LGR6: variants seen among roughly 807,000 people sequenced by gnomAD.
LGR6 encodes the protein leucine-rich repeat-containing G protein-coupled receptor 6.
A neutral mutation model predicts 69.4 loss-of-function variants in LGR6; 45 were observed. That is an observed-to-expected ratio of 0.65 (90% confidence interval 0.51 to 0.83). The LOEUF (loss-of-function observed/expected upper bound fraction) is 0.83. Ranked by LOEUF, LGR6 falls within the 40% of genes least tolerant of loss-of-function variation. LGR6 has a pLI of 0.00. For missense variants in LGR6, 1,108 were observed against 1,246.7 expected (o/e 0.89, Z 1.68); for synonymous variants, 538 against 555.0 (o/e 0.97, Z 0.43).
chr1:202,293,923 G>A (rs866489508), intron 6 of LGR6, among the ~76,000 whole-genome samples: 1 of 152,144 alleles, frequency 6.6e-6, no homozygotes, highest in Non-Finnish European at 1.5e-5. Context: ...GCCAAGGAGG[G>A]CTGGAACTAC....
In LGR6 at chr1:202,318,334, T is replaced by C; in HGVS notation, c.2031T>C (p.Tyr677=). 6.3e-7 allele frequency: 1 copy of C among 1,596,514 alleles called. No homozygotes were observed. The change falls in exon 18 of 18, where the codon TAT becomes TAC. Residue 677 remains tyrosine, a synonymous_variant. Coordinates refer to ENST00000367278, the MANE Select transcript of LGR6 (RefSeq NM_001017403.2). The part of the protein sequence containing the change: ...CSVSVSCVRA[Y]GKSPSLGSVR... ...TCTCCGTCTCCTGTGTCCGGGCCTA[T>C]GGGAAGTCCCCCTCCCTGGGCAGCG...
chr1:202,319,534 A>C lies in LGR6; in HGVS notation c.*327A>C. The C allele has an allele frequency of 3.6e-6, 1 of 277,384 alleles. No homozygotes were observed. Among genetic ancestry groups the C allele is most frequent in the Non-Finnish European group, 6.8e-6 (1 of 147,846 alleles). 17.2% of individuals were successfully genotyped at this position (277,384 alleles called of 1,614,324 possible). A position where few individuals can be genotyped will look rare whatever the true frequency, so the allele number is the denominator to read the frequency against. On this transcript the variant is annotated 3_prime_UTR_variant, in exon 18 of 18. Coordinates refer to ENST00000367278, the MANE Select transcript of LGR6 (RefSeq NM_001017403.2). ...AAGACAGTGAAGGGGTGGAGGGTTG[A>C]TCAGGGCACAGTGGACAGGGAGACC...
chr1:202,314,909 C>T (rs752281293), intron 17 of LGR6, 27 bp downstream of exon 17: 104 of 1,569,758 alleles, frequency 6.6e-5, no homozygotes, highest in South Asian at 1.4e-4. Flanking sequence ...GGAATGGGGA[C>T]GAGGGGGAAT....
At chr1:202,200,247 A>C (rs1342523701) in intron 1 of LGR6, among the ~76,000 whole-genome samples, 1 of 152,242 alleles carries the variant, frequency 6.6e-6, no homozygotes, top group African/African-American at 2.4e-5. Context: ...AAAGAGGAAG[A>C]ATCTGGGCTT....
At chr1:202,219,178 C>T (rs1034903197) in intron 1 of LGR6, among the ~76,000 whole-genome samples, 8 of 152,354 alleles carry the variant, frequency 5.3e-5, no homozygotes, top group South Asian at 2.1e-4. Context: ...GTCTCCGTGG[C>T]GGCCAGCCTG....
intron 1 of LGR6, among the ~76,000 whole-genome samples, chr1:202,218,920 C>A (rs1659963751): frequency 6.6e-6 from 1 of 152,206 alleles, no homozygotes; most frequent in Non-Finnish European, 1.5e-5. Flanking sequence ...TCCCCAGCAA[C>A]ATTGTCAACT....
chr1:202,278,165 AACC>A (rs557539217), intron 5 of LGR6, among the ~76,000 whole-genome samples: 246 of 152,306 alleles, frequency 1.6e-3, no homozygotes, highest in Non-Finnish European at 2.4e-3. Context: ...GCTGGATTGG[AACC>A]GAGGCAGACT....
chr1:202,216,904 G>A (rs1177544270), intron 1 of LGR6, among the ~76,000 whole-genome samples: 1 of 152,204 alleles, frequency 6.6e-6, no homozygotes, highest in Admixed American at 6.5e-5. Flanking sequence ...ACAGGCAGGG[G>A]AACACCTCCC....
chr1:202,206,535 T>TTG (rs886889408), intron 1 of LGR6, among the ~76,000 whole-genome samples: 2 of 151,922 alleles, frequency 1.3e-5, no homozygotes, highest in East Asian at 1.9e-4. Context: ...TTTTTTTCGG[T>TTG]TGTGTGTGTG....
intron 4 of LGR6, among the ~76,000 whole-genome samples, chr1:202,237,146 G>C (rs911900992): frequency 1.3e-5 from 2 of 152,160 alleles, no homozygotes; most frequent in Non-Finnish European, 2.9e-5. Flanking sequence ...ATCGGCCCCA[G>C]TGGCAGAACC....
intron 4 of LGR6, among the ~76,000 whole-genome samples, chr1:202,237,134 C>T (rs1490786936): frequency 6.6e-6 from 1 of 152,190 alleles, no homozygotes; most frequent in Non-Finnish European, 1.5e-5. Flanking sequence ...GCTGCTCGAT[C>T]GATCGGCCCC....
chr1:202,262,418 T>C (rs1232577169), intron 4 of LGR6, among the ~76,000 whole-genome samples: 3 of 152,176 alleles, frequency 2.0e-5, no homozygotes, highest in African/African-American at 7.2e-5. Flanking sequence ...GCATTATTTC[T>C]GAGGGCTCTG....
chr1:202,237,331 T>C (rs978433034), intron 4 of LGR6, among the ~76,000 whole-genome samples: 5 of 152,060 alleles, frequency 3.3e-5, no homozygotes, highest in Admixed American at 1.3e-4. Flanking sequence ...CTGTGCTTGC[T>C]CCCCACCCGC....
chr1:202,215,086 A>C (rs1461301640), intron 1 of LGR6, among the ~76,000 whole-genome samples: 2 of 143,930 alleles, frequency 1.4e-5, no homozygotes, highest in Non-Finnish European at 3.0e-5. Context: ...TGTAAAAGAA[A>C]AGCTCCCATC....
intron 1 of LGR6, among the ~76,000 whole-genome samples, chr1:202,194,935 C>T (rs2077566): frequency 0.35 from 52,939 of 152,028 alleles, 9,483 homozygotes; most frequent in Non-Finnish European, 0.4. Context: ...TGAGATGGCG[C>T]GTGAAGGGGA....
intron 6 of LGR6, among the ~76,000 whole-genome samples, chr1:202,286,980 C>A (rs774928080): frequency 3.3e-5 from 5 of 152,252 alleles, no homozygotes; most frequent in Middle Eastern, 3.4e-3. Flanking sequence ...AACTCTACCC[C>A]CTCTGCCGAC....
chr1:202,280,742 G>A (rs78608628), intron 5 of LGR6, 39 bp from the exon 6 acceptor site: 17 of 1,598,890 alleles, frequency 1.1e-5, no homozygotes, highest in African/African-American at 5.4e-5. Flanking sequence ...CCCCAGTGCC[G>A]TGGGCACCCA....
chr1:202,271,975 A>G (rs1665145514), intron 4 of LGR6, among the ~76,000 whole-genome samples: 1 of 152,070 alleles, frequency 6.6e-6, no homozygotes, highest in Non-Finnish European at 1.5e-5. Flanking sequence ...AAGTCATCAA[A>G]CCATACAGCT....
intron 1 of LGR6, chr1:202,197,260 T>C: frequency 2.3e-6 from 1 of 431,340 alleles, no homozygotes. Flanking sequence ...ATCTTGGTTC[T>C]AGGGAAGACC....
Sources: gnomAD v4.1 joint callset for allele counts (sites outside exome capture counted in the v4.1 genomes callset) on GRCh38, gnomAD v4.1.1 for gene constraint, MANE v1.5 for transcripts, NCBI Gene and HGNC (gene_info 2026-07-23, HGNC 2026-07-21) for gene names.